TIPRL: variants seen among roughly 807,000 people sequenced by gnomAD.
TIPRL encodes TOR signaling pathway regulator.
A neutral mutation model predicts 32.3 loss-of-function variants in TIPRL; 10 were observed. The observed-to-expected ratio is 0.31, with a 90% CI of 0.19 to 0.52. The LOEUF (loss-of-function observed/expected upper bound fraction) is 0.52. Among genes scored for constraint, TIPRL ranks in the 20% least tolerant of loss-of-function variants. The pLI, the probability that TIPRL is intolerant of heterozygous loss-of-function variation, is 0.96. For synonymous variants in TIPRL, 100 were observed against 114.0 expected, an observed-to-expected ratio of 0.88 and a Z score of 0.78; for missense variants, 250 against 328.1, an observed-to-expected ratio of 0.76 and a Z score of 1.84.
chr1:168,198,934 A>C lies in TIPRL; in HGVS notation c.628A>C (p.Met210Leu), dbSNP rs765306922. ...TTAAATACAGGCTGACAAGACCTAC[A>C]TGTTACGAGAATATACGTCACGAGA... ...RLYHEADKTYMLREYTSRESK... is the reference protein window; with the variant it reads ...RLYHEADKTYLLREYTSRESK... Residue 210 changes from methionine (M) to leucine (L), a missense_variant, in exon 6 of 7, where the codon ATG (methionine) becomes CTG (leucine). Transcript: ENST00000367833. The C allele has an allele frequency of 2.2e-5, 36 of 1,612,106 alleles. No individual in the cohort carries two copies. The highest frequency in any genetic ancestry group is 3.0e-5 in the Non-Finnish European group (35 of 1,178,948).
At chr1:168,183,149 TG>T (rs1456335227) in intron 1 of TIPRL, among the ~76,000 whole-genome samples, 1 of 152,216 alleles carries the variant, frequency 6.6e-6, no homozygotes, top group Admixed American at 6.5e-5. Flanking sequence ...TTTAAACATT[TG>T]TAATGGTTCC....
chr1:168,191,857 G>GC (rs1416822769), intron 4 of TIPRL, among the ~76,000 whole-genome samples: 31 of 61,600 alleles, frequency 5.0e-4, no homozygotes, highest in African/African-American at 1.7e-3. Context: ...GGGCGACAGA[G>GC]CAAAAAAAAA....
chr1:168,184,013 G>A lies in TIPRL; in HGVS notation c.216G>A (p.Ala72=), dbSNP rs190317606. ...GAATTGAGTTCAATGCTACAGATGC[G>A]TTAAGATGTGTAAACAACTACCAAG... ...GFGIEFNATD[A]LRCVNNYQGM... is the part of the protein sequence containing the mutation. Residue 72 remains alanine (A), a synonymous_variant, in exon 2 of 7, where the codon GCG becomes GCA. Transcript: ENST00000367833. 63 of 1,614,098 alleles carry A rather than the reference G, an allele frequency of 3.9e-5. No individual in the cohort carries two copies. The East Asian group carries it at 4.0e-4, about 10-fold the overall frequency.
rs1699998160 is a variant in TIPRL at position 168,184,017 on chromosome 1, A to G, written c.220A>G (p.Arg74Gly). ...TGAGTTCAATGCTACAGATGCGTTA[A>G]GATGTGTAAACAACTACCAAGGAAT... The part of the protein sequence containing the change: ...GIEFNATDAL[R>G]CVNNYQGMLK... The change falls in exon 2 of 7, where the codon AGA (arginine) becomes GGA (glycine). Residue 74 changes from arginine (R) to glycine (G), a missense_variant. Physicochemically the swap from Arg to Gly is moderately radical, Grantham distance 125 (BLOSUM62 -2). Transcript: ENST00000367833. 3 of 1,614,044 alleles carry G rather than the reference A, an allele frequency of 1.9e-6. No homozygotes were observed. The highest frequency in any genetic ancestry group is 2.5e-6 in the Non-Finnish European group (3 of 1,180,000).
chr1:168,194,570 CATATCACTGT>C (rs1261058232), intron 4 of TIPRL, among the ~76,000 whole-genome samples: 1 of 152,204 alleles, frequency 6.6e-6, no homozygotes, highest in African/African-American at 2.4e-5. Flanking sequence ...ATAAATTACA[CATATCACTGT>C]GTAGTAATGT....
chr1:168,182,442 A>G (rs905494345), intron 1 of TIPRL, among the ~76,000 whole-genome samples: 12 of 152,166 alleles, frequency 7.9e-5, no homozygotes, highest in African/African-American at 2.9e-4. Flanking sequence ...CCTGGCCAAC[A>G]TGGTGAAACC....
intron 3 of TIPRL, among the ~76,000 whole-genome samples, chr1:168,185,510 C>T (rs558378367): frequency 9.2e-5 from 14 of 152,084 alleles, no homozygotes; most frequent in Non-Finnish European, 1.6e-4. Flanking sequence ...CAGTGGCTCA[C>T]GCCTGTAATC....
chr1:168,195,946 C>CTTCATACTTTCTCCACTGA (rs1700148290), intron 4 of TIPRL, among the ~76,000 whole-genome samples: 1 of 152,176 alleles, frequency 6.6e-6, no homozygotes, highest in Admixed American at 6.5e-5. Context: ...CAGGACCCAC[C>CTTCATACTTTCTCCACTGA]TTCATACTTT....
At chr1:168,199,388 C>A (rs536686859) in intron 6 of TIPRL, among the ~76,000 whole-genome samples, 1 of 81,234 alleles carries the variant, frequency 1.2e-5, no homozygotes, top group East Asian at 3.8e-4. Flanking sequence ...GTTTTGGCAT[C>A]ATTTTTCTTT....
rs3765232 is a variant in TIPRL at position 168,184,211 on chromosome 1, A to G, written c.284+130A>G. 192 of 883,688 alleles carry G rather than the reference A, an allele frequency of 2.2e-4. 1 individual carries two copies. In the East Asian group the frequency reaches 5.2e-3, roughly 24 times the overall value. 54.7% of individuals were successfully genotyped at this position (883,688 alleles called of 1,614,324 possible). A position where few individuals can be genotyped will look rare whatever the true frequency, so the allele number is the denominator to read the frequency against. On this transcript the variant is annotated intron_variant, in intron 2 of 6. Coordinates refer to ENST00000367833, the MANE Select transcript of TIPRL (RefSeq NM_152902.5). ...TGAAGGGCTGGTATTATTAAACTTGAGAGTTGTATCATTCTAGAATTCGTT... is the reference window on the plus strand; with the variant it reads ...TGAAGGGCTGGTATTATTAAACTTGGGAGTTGTATCATTCTAGAATTCGTT...
At chr1:168,181,932 T>A (rs1431767330) in intron 1 of TIPRL, among the ~76,000 whole-genome samples, 1 of 151,618 alleles carries the variant, frequency 6.6e-6, no homozygotes, top group Non-Finnish European at 1.5e-5. Flanking sequence ...GGGGTGGTGG[T>A]GCAGGCCTGT....
rs1700191902 is a variant in TIPRL at position 168,199,924 on chromosome 1, A to G, written c.697A>G (p.Thr233Ala). The change falls in exon 7 of 7, where the codon ACG becomes GCG. Residue 233 changes from threonine to alanine, a missense_variant. Transcript: ENST00000367833. ...SLMHVPPSLF[T>A]EPNEISQYLP... is the part of the protein sequence containing the mutation. ...CTAGCATGTTCCACCTTCCCTCTTC[A>G]CGGAACCTAATGAAATATCCCAGTA... The G allele has an allele frequency of 2.5e-5, 40 of 1,613,186 alleles. No individual in the cohort carries two copies. Among genetic ancestry groups the G allele is most frequent in the Non-Finnish European group, 3.4e-5 (40 of 1,179,626 alleles).
chr1:168,199,653 A>T (rs908585478), intron 6 of TIPRL, among the ~76,000 whole-genome samples: 1 of 152,176 alleles, frequency 6.6e-6, no homozygotes, highest in Non-Finnish European at 1.5e-5. Flanking sequence ...TTGGATTAAG[A>T]TGTATTAAAT....
chr1:168,199,264 A>G (rs1394139394), intron 6 of TIPRL, among the ~76,000 whole-genome samples: 2 of 152,184 alleles, frequency 1.3e-5, no homozygotes, highest in African/African-American at 4.8e-5. Context: ...TCTGAGTCAC[A>G]TAGCTGGCTG....
intron 1 of TIPRL, among the ~76,000 whole-genome samples, chr1:168,181,821 G>C (rs1271383326): frequency 6.6e-6 from 1 of 151,662 alleles, no homozygotes; most frequent in Non-Finnish European, 1.5e-5. Context: ...AGCACTTTGG[G>C]AGGCTGAGGC....
In TIPRL at chr1:168,179,174, G is replaced by T; in HGVS notation, c.97G>T (p.Val33Leu). Residue 33 changes from valine to leucine, a missense_variant, in exon 1 of 7, where the codon GTG becomes TTG. By Grantham distance (32) the Val-to-Leu change is conservative. Transcript: ENST00000367833. ...SKTHIMKSAD[V>L]EKLADELHMP... Reference sequence around the variant, plus strand: ...GACCCACATCATGAAGTCGGCGGATGTGGAGAAGTGAGGCTTCGGGGCACG... The same window carrying T: ...GACCCACATCATGAAGTCGGCGGATTTGGAGAAGTGAGGCTTCGGGGCACG... 6.2e-7 allele frequency: 1 copy of T among 1,614,050 alleles called. No individual in the cohort carries two copies. The highest frequency in any genetic ancestry group is 1.1e-5 in the South Asian group (1 of 91,076).
intron 1 of TIPRL, among the ~76,000 whole-genome samples, chr1:168,182,833 T>A (rs1440371117): frequency 6.6e-6 from 1 of 152,230 alleles, no homozygotes; most frequent in Non-Finnish European, 1.5e-5. Flanking sequence ...AAAACTTATT[T>A]TATGGAATCT....
At position 168,192,813 on chromosome 1, in the gene TIPRL, A is replaced by G. The variant is rs374779496; in HGVS notation, c.516+1313A>G. Among the ~76,000 whole-genome samples the G allele has an allele frequency of 4.4e-3, 663 of 152,106 alleles. 11 individuals are homozygous for G. Among genetic ancestry groups the G allele is most frequent in the East Asian group, 4.1e-3 (21 of 5,148 alleles). ...AGGCAGGAGAATGGCGTGAACCCGG[A>G]AGGCAGAGCTTGCAGTGAGCCGAGA... On this transcript the variant is annotated intron_variant, in intron 4 of 6. Coordinates refer to ENST00000367833, the MANE Select transcript of TIPRL (RefSeq NM_152902.5).
In TIPRL at chr1:168,197,807, G is replaced by A. The variant is rs560830057; in HGVS notation, c.613-1112G>A. 1.1e-4 allele frequency among the ~76,000 whole-genome samples: 16 copies of A among 152,246 alleles called. No individual in the cohort carries two copies. In the South Asian group the frequency reaches 1.5e-3, roughly 14 times the overall value. ...CTCCCAAAGTGCTGGGATTATAGGC[G>A]TGAGCCACACCGCTCCTGGCCTAAA... On this transcript the variant is annotated intron_variant, in intron 5 of 6. Transcript: ENST00000367833.
Sources: allele counts gnomAD v4.1 joint callset (sites outside exome capture counted in the v4.1 genomes callset), GRCh38; gene constraint gnomAD v4.1.1; transcripts MANE v1.5; gene names NCBI Gene and HGNC (gene_info 2026-07-23, HGNC 2026-07-21).